Variants in CDH13 observed in about 807,000 individuals in gnomAD.
The protein encoded by CDH13 is cadherin-13.
CDH13 carries 24 observed loss-of-function variants against 63.8 expected under a neutral mutation model. The observed-to-expected ratio is 0.38, with a 90% CI of 0.27 to 0.53. CDH13 has a LOEUF of 0.53. CDH13 is among the 20% of genes least tolerant of loss of function. The pLI is 0.85. For synonymous variants in CDH13, 503 were observed against 355.3 expected (o/e 1.42, Z -4.67); for missense variants, 1,049 against 903.1 (o/e 1.16, Z -2.07).
chr16:82,890,866 G>A (rs2041056289), intron 2 of CDH13, among the ~76,000 whole-genome samples: 1 of 151,876 alleles, frequency 6.6e-6, no homozygotes, highest in South Asian at 2.1e-4. Context: ...TGGCCAGGCT[G>A]GTCTTGAACT....
At chr16:83,029,553 A>G (rs920703425) in intron 2 of CDH13, among the ~76,000 whole-genome samples, 1 of 152,210 alleles carries the variant, frequency 6.6e-6, no homozygotes, top group African/African-American at 2.4e-5. Context: ...AGAATAAACT[A>G]CCACAACTCA....
intron 10 of CDH13, chr16:83,710,141 T>C (rs758853070): frequency 4.6e-5 from 7 of 152,214 alleles, no homozygotes; most frequent in Non-Finnish European, 7.3e-5. Flanking sequence ...CACAATGCAC[T>C]GGACAGCCTC....
intron 5 of CDH13, among the ~76,000 whole-genome samples, chr16:83,283,357 G>A (rs1351242327): frequency 2.6e-5 from 4 of 152,162 alleles, no homozygotes; most frequent in South Asian, 2.1e-4. Flanking sequence ...TTGGGTGGCC[G>A]AGGAGGGTGG....
chr16:83,746,467 C>T lies in CDH13; in HGVS notation c.1539-1641C>T, dbSNP rs143452969. ...TCTCAAAGACCTTAACTCAGCTCTG[C>T]AAAGTCTTTGCTCTATGAAGTAACA... On this transcript the variant is annotated intron_variant, in intron 10 of 13. Coordinates refer to ENST00000567109, the MANE Select transcript of CDH13 (RefSeq NM_001257.5). Among the ~76,000 whole-genome samples the T allele has an allele frequency of 2.5e-3, 386 of 152,314 alleles. 4 individuals carry two copies. The highest frequency in any genetic ancestry group is 8.5e-3 in the African/African-American group (354 of 41,570).
chr16:82,888,732 A>G (rs2040977673), intron 2 of CDH13, among the ~76,000 whole-genome samples: 1 of 152,198 alleles, frequency 6.6e-6, no homozygotes, highest in Non-Finnish European at 1.5e-5. Flanking sequence ...GCAGCCCTGA[A>G]ACTTGATCCA....
At chr16:83,274,321 C>T (rs1053238734) in intron 5 of CDH13, among the ~76,000 whole-genome samples, 4 of 152,166 alleles carry the variant, frequency 2.6e-5, no homozygotes, top group African/African-American at 9.7e-5. Context: ...GATCAGAGAC[C>T]TCTCAGTTAG....
intron 11 of CDH13, among the ~76,000 whole-genome samples, chr16:83,779,084 G>T (rs1167327549): frequency 2.0e-5 from 3 of 152,284 alleles, no homozygotes; most frequent in Admixed American, 1.3e-4. Context: ...TATTCTAAGG[G>T]TAAAGTATTA....
intron 5 of CDH13, among the ~76,000 whole-genome samples, chr16:83,218,876 C>T (rs1288060536): frequency 6.6e-6 from 1 of 152,120 alleles, no homozygotes; most frequent in South Asian, 2.1e-4. Flanking sequence ...GAATAAGTCT[C>T]ATGAGATCTG....
chr16:82,972,103 T>G (rs1108698), intron 2 of CDH13, among the ~76,000 whole-genome samples: 18,350 of 152,104 alleles, frequency 0.12, 1,381 homozygotes, highest in African/African-American at 0.21. Flanking sequence ...TGAAGCAGTG[T>G]AGGGTGAGGC....
At chr16:83,176,441 C>T (rs1201295862) in intron 4 of CDH13, among the ~76,000 whole-genome samples, 2 of 128,582 alleles carry the variant, frequency 1.6e-5, no homozygotes, top group Non-Finnish European at 3.2e-5. Context: ...ACCTGGGAGG[C>T]GGGGGTTGCA....
chr16:83,123,172 A>G lies in CDH13; in HGVS notation c.367-2213A>G, dbSNP rs575229642. Among the ~76,000 whole-genome samples, 91 of 151,900 alleles carry G rather than the reference A, an allele frequency of 6.0e-4. 2 individuals carry two copies. Among genetic ancestry groups the G allele is most frequent in the Admixed American group, 2.2e-3 (33 of 15,238 alleles). ...TGTGTGTATGAGTATGTGTGTGTGT[A>G]TATATGTTTTTGTGTGTGTACACAT... On this transcript the variant is annotated intron_variant, in intron 3 of 13. Coordinates refer to ENST00000567109, the MANE Select transcript of CDH13 (RefSeq NM_001257.5).
chr16:82,634,436 C>T (rs551622988), intron 1 of CDH13, among the ~76,000 whole-genome samples: 3 of 152,298 alleles, frequency 2.0e-5, no homozygotes, highest in East Asian at 1.9e-4. Context: ...CCAGCGGAAC[C>T]GAGGCTGACT....
intron 2 of CDH13, among the ~76,000 whole-genome samples, chr16:83,022,706 A>C (rs1234396604): frequency 6.6e-6 from 1 of 152,136 alleles, no homozygotes; most frequent in Non-Finnish European, 1.5e-5. Flanking sequence ...GCATCCTTGC[A>C]CACATGTACA....
chr16:83,511,008 C>G (rs531640133), intron 7 of CDH13, among the ~76,000 whole-genome samples: 1 of 152,262 alleles, frequency 6.6e-6, no homozygotes, highest in Non-Finnish European at 1.5e-5. Context: ...GTATTACCAT[C>G]TTCCCACACA....
intron 6 of CDH13, among the ~76,000 whole-genome samples, chr16:83,450,042 G>A (rs905962825): frequency 6.6e-6 from 1 of 152,180 alleles, no homozygotes; most frequent in Non-Finnish European, 1.5e-5. Flanking sequence ...GCTCATCACT[G>A]GGGTTGCAGA....
In CDH13 at chr16:83,188,600, G is replaced by A. The variant is rs150678171; in HGVS notation, c.484-28745G>A. 1.2e-4 allele frequency among the ~76,000 whole-genome samples: 19 copies of A among 152,256 alleles called. No homozygotes were observed. In the East Asian group the frequency reaches 2.7e-3, roughly 22 times the overall value. On this transcript the variant is annotated intron_variant, in intron 4 of 13. Coordinates refer to ENST00000567109, the MANE Select transcript of CDH13 (RefSeq NM_001257.5). ...GGCCATGGTCCTGGCTCCCAAACCT[G>A]TCCTTTTTCTACTGTAACAGGCTGC...
Position 83,010,135 on chromosome 16 carries a change from CAAAAA to C in CDH13, c.158-21852_158-21848del, listed in dbSNP as rs67985333. Among the ~76,000 whole-genome samples, 327 of 50,094 alleles carry C rather than the reference CAAAAA, an allele frequency of 6.5e-3. 1 individual carries two copies. Among genetic ancestry groups the C allele is most frequent in the South Asian group, 0.012 (12 of 994 alleles). The allele number at this position is 50,094 out of a possible 152,430, so 32.9% of individuals were successfully genotyped here. A position where few individuals can be genotyped will look rare whatever the true frequency, so the allele number is the denominator to read the frequency against. On this transcript the variant is annotated intron_variant, in intron 2 of 13. Transcript: ENST00000567109. ...GGGCAACAAGAGCAAAACTCTGTCT[CAAAAA>C]AAAAAAAAAAAAAAAAAAAAAACAA...
intron 3 of CDH13, among the ~76,000 whole-genome samples, chr16:83,073,354 T>TGTGA (rs1311548254): frequency 7.9e-5 from 11 of 139,860 alleles, no homozygotes; most frequent in African/African-American, 1.9e-4. Context: ...TGTGTGTGTG[T>TGTGA]GAGAGAGAGA....
chr16:83,120,907 G>A (rs1443240643), intron 3 of CDH13, among the ~76,000 whole-genome samples: 1 of 151,868 alleles, frequency 6.6e-6, no homozygotes, highest in Non-Finnish European at 1.5e-5. Context: ...GGGATTACAG[G>A]CAGGTGCCAC....
Sources: gnomAD v4.1 joint callset for allele counts (sites outside exome capture counted in the v4.1 genomes callset) on GRCh38, gnomAD v4.1.1 for gene constraint, MANE v1.5 for transcripts, NCBI Gene and HGNC (gene_info 2026-07-23, HGNC 2026-07-21) for gene names.